The following BNIP3 variants were observed in gnomAD, a reference collection of about 807,000 sequenced individuals.
BNIP3 encodes BCL2/adenovirus E1B 19 kDa protein-interacting protein 3.
A neutral mutation model predicts 23.9 loss-of-function variants in BNIP3; 16 were observed. That is an observed-to-expected ratio of 0.67 (90% CI 0.45 to 1.01). The LOEUF is 1.01. BNIP3 is among the 50% of genes least tolerant of loss of function. The pLI is 0.00. For missense variants in BNIP3, 198 were observed against 248.7 expected (o/e 0.80, Z 1.37); for synonymous variants, 81 against 89.3 (o/e 0.91, Z 0.53).
At chr10:131,971,084 CAT>C (rs1444979763) in intron 3 of BNIP3, 114 bp from the exon 4 acceptor site, 1 of 945,524 alleles carries the variant, frequency 1.1e-6, no homozygotes, top group Admixed American at 2.1e-5. Context: ...CCCAGAGGCA[CAT>C]GTCAGTGCCT....
intron 3 of BNIP3, among the ~76,000 whole-genome samples, chr10:131,972,202 C>T (rs1046252746): frequency 2.0e-5 from 3 of 152,126 alleles, no homozygotes; most frequent in South Asian, 4.1e-4. Flanking sequence ...AGACTCACTC[C>T]GCTTTCACAA....
chr10:131,981,376 A>G (rs1000881064), intron 1 of BNIP3: 2 of 296,874 alleles, frequency 6.7e-6, no homozygotes, highest in African/African-American at 4.3e-5. Flanking sequence ...TAAAACCAAT[A>G]CTGGTCTGAA....
intron 1 of BNIP3, among the ~76,000 whole-genome samples, chr10:131,978,854 C>T (rs2037098141): frequency 6.6e-6 from 1 of 152,194 alleles, no homozygotes; most frequent in Non-Finnish European, 1.5e-5. Flanking sequence ...CAAAACCATA[C>T]AAAGGGCTTC....
rs2036990720 is a variant in BNIP3, at chr10:131,968,469, T to C, written c.*55A>G. 2 of 1,419,208 alleles carry C rather than the reference T, an allele frequency of 1.4e-6. No homozygotes were observed. Among genetic ancestry groups the C allele is most frequent in the Non-Finnish European group, 2.0e-6 (2 of 1,005,350 alleles). The allele number at this position is 1,419,208 out of a possible 1,614,324, so 87.9% of individuals were successfully genotyped here. A position where few individuals can be genotyped will look rare whatever the true frequency, so the allele number is the denominator to read the frequency against. ...GATCTAACAGCTCTTCAGTGAGCTATGTTGCAAGCTCAGAAGTAATCCACT... is the reference window on the plus strand; with the variant it reads ...GATCTAACAGCTCTTCAGTGAGCTACGTTGCAAGCTCAGAAGTAATCCACT... On this transcript the variant is annotated 3_prime_UTR_variant, in exon 6 of 6. Transcript: ENST00000368636.
At chr10:131,974,277 A>G (rs181723144) in intron 1 of BNIP3, among the ~76,000 whole-genome samples, 38 of 152,378 alleles carry the variant, frequency 2.5e-4, no homozygotes, top group Admixed American at 5.2e-4. Flanking sequence ...GTGAGCTTTT[A>G]TAAGAAAAAG....
rs1348260610 is a variant in BNIP3, at chr10:131,967,709, T to A, written c.*815A>T. The A allele has an allele frequency of 6.6e-6, 1 of 151,778 alleles. No homozygotes were observed. Among genetic ancestry groups the A allele is most frequent in the Non-Finnish European group, 1.5e-5 (1 of 68,018 alleles). 9.4% of individuals were successfully genotyped at this position (151,778 alleles called of 1,614,324 possible). On this transcript the variant is annotated 3_prime_UTR_variant, in exon 6 of 6. Coordinates refer to ENST00000368636, the MANE Select transcript of BNIP3 (RefSeq NM_004052.4). ...TCTGAAGGATTTGGCAAAGATTTAT[T>A]TTTTTTTCCATTTCCAGTTTTTTAA...
intron 1 of BNIP3, among the ~76,000 whole-genome samples, chr10:131,977,724 C>T (rs78989013): frequency 2.6e-5 from 4 of 152,126 alleles, no homozygotes; most frequent in Admixed American, 2.6e-4. Flanking sequence ...GGAACACATT[C>T]GAACCAAAGC....
chr10:131,981,814 G>A lies in BNIP3; in HGVS notation c.-8C>T. ...CGCTCCGTTCTGCGACATGGCGCCA[G>A]AGGGCAACTGCGGCGATCGGAGTCC... On this transcript the variant is annotated 5_prime_UTR_variant, in exon 1 of 6. Transcript: ENST00000368636. 6.8e-7 allele frequency: 1 copy of A among 1,471,564 alleles called. No individual in the cohort carries two copies. Among genetic ancestry groups the A allele is most frequent in the African/African-American group, 1.5e-5 (1 of 68,724 alleles). 91.2% of individuals were successfully genotyped at this position (1,471,564 alleles called of 1,614,324 possible).
chr10:131,973,652 G>T, intron 2 of BNIP3, 141 bp downstream of exon 2: 2 of 1,156,454 alleles, frequency 1.7e-6, no homozygotes, highest in African/African-American at 1.5e-5. Context: ...AGGACGGACT[G>T]CAGCAGGAGC....
At chr10:131,971,488 A>C (rs1194944049) in intron 3 of BNIP3, 2 of 157,338 alleles carry the variant, frequency 1.3e-5, no homozygotes, top group Admixed American at 1.2e-4. Flanking sequence ...CCAAATCCTC[A>C]GAATTATATA....
At chr10:131,969,720 T>G (rs2037006512) in intron 5 of BNIP3, 1 of 152,282 alleles carries the variant, frequency 6.6e-6, no homozygotes. Context: ...CACAGAACAC[T>G]GTCTGCACGC....
At position 131,976,191 on chromosome 10, in the gene BNIP3, C is replaced by T. The variant is rs1379043093; in HGVS notation, c.47-2248G>A. 6.6e-6 allele frequency among the ~76,000 whole-genome samples: 1 copy of T among 152,228 alleles called. No homozygotes were observed. The highest frequency in any genetic ancestry group is 1.5e-5 in the Non-Finnish European group (1 of 68,042). On this transcript the variant is annotated intron_variant, in intron 1 of 5. Coordinates refer to ENST00000368636, the MANE Select transcript of BNIP3 (RefSeq NM_004052.4). This position sits in a 1 kb window ranked among gnomAD's most constrained non-coding sequence, Gnocchi z 4.3. ...CAGTATTCAGATTCTGGGCCTGCTT[C>T]AATTTACTTGACTAAAGTGTTGTTC...
chr10:131,978,129 C>A (rs1382449042), intron 1 of BNIP3, among the ~76,000 whole-genome samples: 2 of 152,076 alleles, frequency 1.3e-5, no homozygotes, highest in East Asian at 1.9e-4. Flanking sequence ...GCAAGAAAAG[C>A]CCTCCTTCCT....
chr10:131,975,382 A>G (rs1297751424), intron 1 of BNIP3, among the ~76,000 whole-genome samples: 13 of 152,258 alleles, frequency 8.5e-5, no homozygotes, highest in Admixed American at 8.5e-4. Flanking sequence ...GATGGAGTGC[A>G]GTGGGAGGAA....
intron 1 of BNIP3, chr10:131,980,862 G>A (rs956662724): frequency 6.6e-6 from 1 of 152,170 alleles, no homozygotes; most frequent in South Asian, 2.1e-4. Context: ...CTGCCACCAG[G>A]TCCCTCCTCC....
rs766908141 is a variant in BNIP3 at position 131,973,958 on chromosome 10, A to G, written c.47-15T>C. 3.1e-6 allele frequency: 5 copies of G among 1,613,364 alleles called. No individual in the cohort carries two copies. The highest frequency in any genetic ancestry group is 3.3e-5 in the Admixed American group (2 of 59,984). On this transcript the variant is annotated splice_polypyrimidine_tract_variant and intron_variant, in intron 1 of 5. Transcript: ENST00000368636. ...TACCCAGGAGCCTGATGGGGACAAAAAAAGGGGCGCAGATGGAATTCTCTA... is the reference window on the plus strand; with the variant it reads ...TACCCAGGAGCCTGATGGGGACAAAGAAAGGGGCGCAGATGGAATTCTCTA...
chr10:131,971,103 G>C (rs1160577264), intron 3 of BNIP3, 133 bp from the exon 4 acceptor site: 2 of 812,932 alleles, frequency 2.5e-6, no homozygotes, highest in Admixed American at 4.5e-5. Context: ...GCCTCGGACC[G>C]TGGTCCAAGG....
At chr10:131,969,524 G>A (rs1228638077) in intron 5 of BNIP3, 4 of 152,312 alleles carry the variant, frequency 2.6e-5, no homozygotes, top group Non-Finnish European at 5.9e-5. Flanking sequence ...CCAAGAGCTA[G>A]GAGAAAGCCA....
Position 131,976,118 on chromosome 10 carries a change from G to A in BNIP3, c.47-2175C>T, listed in dbSNP as rs895490414. On this transcript the variant is annotated intron_variant, in intron 1 of 5. Transcript: ENST00000368636. This position sits in a 1 kb window ranked among gnomAD's most constrained non-coding sequence, Gnocchi z 4.3. ...AGCCATGGCCTGCCCCTGAGAGAAC[G>A]GCACCACAGCCTCTGTTTTGGCCAG... Among the ~76,000 whole-genome samples the A allele has an allele frequency of 3.9e-5, 6 of 152,198 alleles. No individual in the cohort carries two copies. The highest frequency in any genetic ancestry group is 2.1e-4 in the South Asian group (1 of 4,822).
Sources: gnomAD v4.1 joint callset for allele counts (sites outside exome capture counted in the v4.1 genomes callset) on GRCh38, gnomAD v4.1.1 for gene constraint, Gnocchi (gnomAD v3.1) non-coding constraint, MANE v1.5 for transcripts, NCBI Gene and HGNC (gene_info 2026-07-23, HGNC 2026-07-21) for gene names.